Variants in RIMS1 observed in about 807,000 individuals in gnomAD.
RIMS1 encodes regulating synaptic membrane exocytosis protein 1.
RIMS1 carries 83 observed loss-of-function variants against 214.1 expected under a neutral mutation model. The ratio of observed to expected loss-of-function variants is 0.39; its 90% confidence interval spans 0.32 to 0.47. RIMS1 has a LOEUF of 0.47. RIMS1 is among the 20% of genes least tolerant of loss of function. The pLI is 0.99. For missense variants in RIMS1, 2,050 were observed against 2,161.8 expected, an observed-to-expected ratio of 0.95 and a Z score of 1.03; for synonymous variants, 793 against 786.8, an observed-to-expected ratio of 1.01 and a Z score of -0.13.
intron 23 of RIMS1, among the ~76,000 whole-genome samples, chr6:72,281,557 A>G (rs2090113009): frequency 6.8e-6 from 1 of 148,004 alleles, no homozygotes; most frequent in African/African-American, 2.5e-5. Context: ...ATTGTGCAGA[A>G]GTTTTATTCA....
intron 1 of RIMS1, among the ~76,000 whole-genome samples, chr6:71,952,040 G>A (rs1194841031): frequency 6.6e-6 from 1 of 152,134 alleles, no homozygotes; most frequent in Non-Finnish European, 1.5e-5. Context: ...AGTCCAGATT[G>A]GTGGCCCTAT....
chr6:72,219,537 G>A (rs1396944102), intron 6 of RIMS1, among the ~76,000 whole-genome samples: 4 of 152,022 alleles, frequency 2.6e-5, no homozygotes, highest in Non-Finnish European at 5.9e-5. Context: ...ATGATGAACT[G>A]TAAACATTGA....
chr6:71,915,959 C>G (rs780745110), intron 1 of RIMS1, among the ~76,000 whole-genome samples: 1 of 152,036 alleles, frequency 6.6e-6, no homozygotes, highest in Non-Finnish European at 1.5e-5. Context: ...GAGACTTATT[C>G]ATTATCATGA....
chr6:72,230,400 C>T (rs2061570695), intron 6 of RIMS1, among the ~76,000 whole-genome samples: 1 of 151,642 alleles, frequency 6.6e-6, no homozygotes, highest in Non-Finnish European at 1.5e-5. Flanking sequence ...ACATTAGGTA[C>T]ACATTCCACT....
At chr6:72,249,270 GC>G (rs542204683) in intron 12 of RIMS1, among the ~76,000 whole-genome samples, 9 of 152,302 alleles carry the variant, frequency 5.9e-5, no homozygotes, top group Admixed American at 5.9e-4. Flanking sequence ...CATCACCACT[GC>G]CAGGGCAGAT....
At chr6:72,240,519 T>C (rs752322224) in intron 9 of RIMS1, among the ~76,000 whole-genome samples, 81 of 151,570 alleles carry the variant, frequency 5.3e-4, no homozygotes, top group Middle Eastern at 3.5e-3. Flanking sequence ...CATATATACA[T>C]GTTCATATTA....
intron 6 of RIMS1, among the ~76,000 whole-genome samples, chr6:72,196,603 TAC>T (rs2051019594): frequency 2.3e-5 from 3 of 132,286 alleles, no homozygotes; most frequent in East Asian, 2.0e-4. Flanking sequence ...TTTTTTTTTT[TAC>T]CTATACAGGA....
chr6:72,061,650 G>T (rs1827884816), intron 2 of RIMS1, among the ~76,000 whole-genome samples: 1 of 152,194 alleles, frequency 6.6e-6, no homozygotes, highest in Non-Finnish European at 1.5e-5. Flanking sequence ...TTTGTTCCCG[G>T]ACCCTCCTCT....
chr6:72,275,518 C>T (rs555261420), intron 23 of RIMS1, among the ~76,000 whole-genome samples: 1 of 152,034 alleles, frequency 6.6e-6, no homozygotes, highest in African/African-American at 2.4e-5. Context: ...TTTACAAATA[C>T]TGGAAAAGAC....
chr6:72,004,790 G>A (rs1471988494), intron 2 of RIMS1, among the ~76,000 whole-genome samples: 1 of 151,480 alleles, frequency 6.6e-6, no homozygotes, highest in Admixed American at 6.6e-5. Flanking sequence ...AGATGAGTAG[G>A]TTGTGAAAAT....
chr6:72,022,696 G>A (rs1815101331), intron 2 of RIMS1, among the ~76,000 whole-genome samples: 1 of 152,016 alleles, frequency 6.6e-6, no homozygotes, highest in African/African-American at 2.4e-5. Flanking sequence ...TTTTGGATAG[G>A]CTTTAAACTC....
At chr6:72,015,199 T>G (rs1219120411) in intron 2 of RIMS1, among the ~76,000 whole-genome samples, 1 of 152,208 alleles carries the variant, frequency 6.6e-6, no homozygotes, top group Admixed American at 6.5e-5. Context: ...ATTTTTTGCA[T>G]GAAACAAAGT....
intron 29 of RIMS1, among the ~76,000 whole-genome samples, chr6:72,384,366 C>A (rs888456185): frequency 1.3e-5 from 2 of 152,180 alleles, no homozygotes; most frequent in Non-Finnish European, 2.9e-5. Context: ...CCACTCCTTT[C>A]AGGCACCTAA....
chr6:72,149,070 G>GA (rs1274499182), intron 4 of RIMS1, among the ~76,000 whole-genome samples: 1 of 151,490 alleles, frequency 6.6e-6, no homozygotes, highest in Non-Finnish European at 1.5e-5. Flanking sequence ...GTGGAGGAAA[G>GA]AAAAAAAACA....
At chr6:72,127,766 G>C (rs2039808951) in intron 4 of RIMS1, among the ~76,000 whole-genome samples, 1 of 152,188 alleles carries the variant, frequency 6.6e-6, no homozygotes, top group African/African-American at 2.4e-5. Flanking sequence ...AGGTAGTAGA[G>C]AAAGAAAACA....
intron 1 of RIMS1, among the ~76,000 whole-genome samples, chr6:71,922,869 T>C (rs867712119): frequency 6.6e-6 from 1 of 152,190 alleles, no homozygotes; most frequent in Non-Finnish European, 1.5e-5. Context: ...CAGTAATTTC[T>C]TGTGCTCAAT....
At chr6:72,085,078 A>G (rs551682798) in intron 2 of RIMS1, among the ~76,000 whole-genome samples, 79 of 152,222 alleles carry the variant, frequency 5.2e-4, no homozygotes, top group African/African-American at 1.8e-3. Context: ...ATTTTTTTTT[A>G]ACACATAAGA....
At chr6:72,182,204 G>A in intron 5 of RIMS1, 80 bp from the exon 6 acceptor site, 2 of 1,400,164 alleles carry the variant, frequency 1.4e-6, no homozygotes, top group Non-Finnish European at 9.6e-7. Context: ...AATGATTTAA[G>A]ACTGGAATGA....
chr6:72,396,574 G>A (rs1419966255), intron 31 of RIMS1, among the ~76,000 whole-genome samples: 1 of 152,118 alleles, frequency 6.6e-6, no homozygotes, highest in East Asian at 1.9e-4. Flanking sequence ...TAATTGGAGA[G>A]TAGATAAATA....
Sources: allele counts gnomAD v4.1 joint callset (sites outside exome capture counted in the v4.1 genomes callset), GRCh38; gene constraint gnomAD v4.1.1; transcripts MANE v1.5; gene names NCBI Gene and HGNC (gene_info 2026-07-23, HGNC 2026-07-21).